PTPRN: variants seen among roughly 807,000 people sequenced by gnomAD.
PTPRN encodes the protein protein tyrosine phosphatase receptor type N.
A neutral mutation model predicts 108.5 loss-of-function variants in PTPRN; 70 were observed. That is an observed-to-expected ratio of 0.65 (90% CI 0.53 to 0.79). The LOEUF (loss-of-function observed/expected upper bound fraction) is 0.79. PTPRN is among the 30% of genes least tolerant of loss of function. The probability of loss-of-function intolerance (pLI) is 0.00; values close to 1 mark genes in which losing one functional copy is unlikely to be tolerated. For synonymous variants in PTPRN, 496 were observed against 524.6 expected, an observed-to-expected ratio of 0.95 and a Z score of 0.75; for missense variants, 1,136 against 1,295.5, an observed-to-expected ratio of 0.88 and a Z score of 1.89.
At position 219,309,360 on chromosome 2, in the gene PTPRN, G is replaced by A. The variant is rs752708898; in HGVS notation, c.-28C>T. 1 of 1,242,662 alleles carries A rather than the reference G, an allele frequency of 8.0e-7. No individual in the cohort carries two copies. Among genetic ancestry groups the A allele is most frequent in the South Asian group, 1.6e-5 (1 of 63,526 alleles). The allele number at this position is 1,242,662 out of a possible 1,614,324, so 77.0% of individuals were successfully genotyped here. A position where few individuals can be genotyped will look rare whatever the true frequency, so the allele number is the denominator to read the frequency against. ...TTCCGAGCTCCGGGCGCTCGCTCCC[G>A]GGCCGGAGCCGCAGCGACGCTGGCG... On this transcript the variant is annotated 5_prime_UTR_variant, in exon 1 of 23. Coordinates refer to ENST00000295718, the MANE Select transcript of PTPRN (RefSeq NM_002846.4).
In PTPRN at chr2:219,296,839, C is replaced by A; in HGVS notation, c.2237-17G>T. 2 of 1,614,088 alleles carry A rather than the reference C, an allele frequency of 1.2e-6. No individual in the cohort carries two copies. Among genetic ancestry groups the A allele is most frequent in the Non-Finnish European group, 1.7e-6 (2 of 1,180,002 alleles). ...CATGGTCATCTGCACAGACCCGACA[C>A]CCCACCCCAGATGGCCCTCTGGTCA... is the stretch of plus-strand genomic sequence containing the variant. On this transcript the variant is annotated splice_polypyrimidine_tract_variant and intron_variant, in intron 15 of 22. Transcript: ENST00000295718. The surrounding 1 kb of genome is among the most constrained non-coding windows in gnomAD (Gnocchi z 6.0).
chr2:219,302,850 G>C lies in PTPRN; in HGVS notation c.378-13C>G. ...TGCCAAGCCAGACCTGTAGAGGAAA[G>C]CAAAGTGTGTGTGTTGGAGCGGGGG... On this transcript the variant is annotated splice_polypyrimidine_tract_variant and intron_variant, in intron 4 of 22. Transcript: ENST00000295718. The C allele has an allele frequency of 6.2e-7, 1 of 1,605,196 alleles. No homozygotes were observed. The highest frequency in any genetic ancestry group is 1.7e-4 in the Middle Eastern group (1 of 5,744).
At chr2:219,299,141 C>G in intron 11 of PTPRN, 30 bp from the exon 12 acceptor site, 1 of 1,613,978 alleles carries the variant, frequency 6.2e-7, no homozygotes, top group Non-Finnish European at 8.5e-7. Flanking sequence ...CAGGCTTGCT[C>G]CAGCCCCATG....
intron 19 of PTPRN, chr2:219,292,489 C>G (rs1312992293): frequency 6.6e-6 from 1 of 152,194 alleles, no homozygotes; most frequent in Non-Finnish European, 1.5e-5. Context: ...AGCTATAGGA[C>G]CAGGTGACTT....
rs777478675 is a variant in PTPRN at position 219,302,620 on chromosome 2, G to T, written c.595C>A (p.Leu199Met). 8 of 1,614,032 alleles carry T rather than the reference G, an allele frequency of 5.0e-6. No individual in the cohort carries two copies. The East Asian group carries it at 1.6e-4, about 31-fold the overall frequency. The change falls in exon 5 of 23, where the codon CTG becomes ATG. Residue 199 changes from leucine to methionine, a missense_variant. By Grantham distance (15) the Leu-to-Met change is conservative. Coordinates refer to ENST00000295718, the MANE Select transcript of PTPRN (RefSeq NM_002846.4). ...LLPPQPPHPS[L>M]SYEPALLQPY... ...TGCAGCAAGGCAGGTTCGTAACTCAGTGAAGGGTGGGGAGGCTGTGGGGGC... is the reference window on the plus strand; with the variant it reads ...TGCAGCAAGGCAGGTTCGTAACTCATTGAAGGGTGGGGAGGCTGTGGGGGC...
At chr2:219,299,024 C>T (rs1379560121) in intron 12 of PTPRN, 23 bp downstream of exon 12, 1 of 1,614,000 alleles carries the variant, frequency 6.2e-7, no homozygotes, top group African/African-American at 1.3e-5. Context: ...GGGACTTGGA[C>T]TGATTCTCCA....
At position 219,295,128 on chromosome 2, in the gene PTPRN, G is replaced by C. The variant is rs371070609; in HGVS notation, c.2522C>G (p.Ser841Trp). The change falls in exon 19 of 23, where the codon TCG (serine) becomes TGG (tryptophan). Residue 841 changes from serine to tryptophan, a missense_variant. Coordinates refer to ENST00000295718, the MANE Select transcript of PTPRN (RefSeq NM_002846.4). ...LYHVYEVNLVSEHIWCEDFLV... is the reference protein window; with the variant it reads ...LYHVYEVNLVWEHIWCEDFLV... ...AAAGTCCTCGCACCAGATGTGCTCC[G>C]ACACCAGGTTCACCTGCCCGGCAGG... 6.2e-7 allele frequency: 1 copy of C among 1,610,394 alleles called. No individual in the cohort carries two copies. Among genetic ancestry groups the C allele is most frequent in the South Asian group, 1.1e-5 (1 of 90,534 alleles).
At chr2:219,298,912 G>T in intron 12 of PTPRN, 135 bp downstream of exon 12, 1 of 1,004,320 alleles carries the variant, frequency 1.0e-6, no homozygotes, top group South Asian at 1.3e-5. Flanking sequence ...GGGGCTGCTT[G>T]GGCGAAGGCC....
rs1952026851 is a variant in PTPRN, at chr2:219,290,411, G to A, written c.2869-114C>T. 4 of 1,392,170 alleles carry A rather than the reference G, an allele frequency of 2.9e-6. No homozygotes were observed. In the Admixed American group the frequency reaches 5.9e-5, roughly 21 times the overall value. The allele number at this position is 1,392,170 out of a possible 1,614,324, so 86.2% of individuals were successfully genotyped here. A position where few individuals can be genotyped will look rare whatever the true frequency, so the allele number is the denominator to read the frequency against. On this transcript the variant is annotated intron_variant, in intron 22 of 22. Coordinates refer to ENST00000295718, the MANE Select transcript of PTPRN (RefSeq NM_002846.4). The surrounding 1 kb of genome is among the most constrained non-coding windows in gnomAD (Gnocchi z 4.2). ...CTGGGCAGGTCCCCTGGGAGGAAGG[G>A]AGCCCTCCTGGAGGAGGCGCAGAAG... is the stretch of plus-strand genomic sequence containing the variant.
Position 219,290,137 on chromosome 2 carries a change from G to T in PTPRN, c.*89C>A, listed in dbSNP as rs1952020050. 3.3e-6 allele frequency: 4 copies of T among 1,226,704 alleles called. No individual in the cohort carries two copies. In the Admixed American group the frequency reaches 7.0e-5, roughly 21 times the overall value. The allele number at this position is 1,226,704 out of a possible 1,614,324, so 76.0% of individuals were successfully genotyped here. On this transcript the variant is annotated 3_prime_UTR_variant, in exon 23 of 23. Coordinates refer to ENST00000295718, the MANE Select transcript of PTPRN (RefSeq NM_002846.4). This position sits in a 1 kb window ranked among gnomAD's most constrained non-coding sequence, Gnocchi z 4.2. ...GGCTGAGCATGCCCAAGAGGTGGCT[G>T]GTGGGGCAGTGAGGAGTGGGTACAC...
Position 219,306,548 on chromosome 2 carries a change from C to T in PTPRN, c.280+896G>A, listed in dbSNP as rs1952488701. 2.0e-5 allele frequency among the ~76,000 whole-genome samples: 3 copies of T among 152,208 alleles called. No individual in the cohort carries two copies. The South Asian group carries it at 6.2e-4, about 31-fold the overall frequency. On this transcript the variant is annotated intron_variant, in intron 3 of 22. Coordinates refer to ENST00000295718, the MANE Select transcript of PTPRN (RefSeq NM_002846.4). ...AAGTGTAAGTCAGATCATGTGCCCC[C>T]AAGCTCCAAATCTTGTAATAGTTTC...
Position 219,302,585 on chromosome 2 carries a change from C to G in PTPRN, c.630G>C (p.Leu210=). The change falls in exon 5 of 23, where the codon CTG becomes CTC. Residue 210 remains leucine (L), a synonymous_variant. Transcript: ENST00000295718. ...AGAGTCAAGGACTTACCTGGTGGAA[C>G]AGGTAGGGCTGCAGCAAGGCAGGTT... ...SYEPALLQPY[L]FHQFGSRDGS... is the part of the protein sequence containing the mutation. 1.9e-6 allele frequency: 3 copies of G among 1,613,956 alleles called. No individual in the cohort carries two copies. Among genetic ancestry groups the G allele is most frequent in the Non-Finnish European group, 2.5e-6 (3 of 1,179,938 alleles).
chr2:219,293,740 C>A (rs1229507444), intron 19 of PTPRN, among the ~76,000 whole-genome samples: 1 of 151,624 alleles, frequency 6.6e-6, no homozygotes, highest in African/African-American at 2.4e-5. Context: ...GAAACTATAC[C>A]CATGTCCCCA....
intron 1 of PTPRN, 130 bp from the exon 2 acceptor site, chr2:219,307,972 A>C: frequency 1.2e-6 from 1 of 858,036 alleles, no homozygotes; most frequent in Non-Finnish European, 1.9e-6. Context: ...TTAAGCTGGG[A>C]GGAGAGTAGG....
rs376684888 is a variant in PTPRN, at chr2:219,294,736, G to A, written c.2675+239C>T. 5.9e-5 allele frequency among the ~76,000 whole-genome samples: 9 copies of A among 152,294 alleles called. No homozygotes were observed. In the East Asian group the frequency reaches 1.2e-3, roughly 20 times the overall value. Reference sequence around the variant, plus strand: ...CAGTCCCGGGAGCGTGAGAGGGAGGGAGCAGAGCAGCAGCGGCCGGCGCGG... The same window carrying A: ...CAGTCCCGGGAGCGTGAGAGGGAGGAAGCAGAGCAGCAGCGGCCGGCGCGG... On this transcript the variant is annotated intron_variant, in intron 19 of 22. Coordinates refer to ENST00000295718, the MANE Select transcript of PTPRN (RefSeq NM_002846.4).
intron 19 of PTPRN, 130 bp from the exon 20 acceptor site, chr2:219,291,653 T>G: frequency 1.0e-6 from 1 of 969,860 alleles, no homozygotes; most frequent in Non-Finnish European, 1.6e-6. Context: ...GGAAGATGGT[T>G]GGAGAAAGGA....
At chr2:219,306,125 TG>T (rs1952479076) in intron 3 of PTPRN, among the ~76,000 whole-genome samples, 1 of 152,166 alleles carries the variant, frequency 6.6e-6, no homozygotes. Flanking sequence ...CACTCCAGCC[TG>T]GGTGACACAG....
At chr2:219,299,501 C>T in intron 10 of PTPRN, 117 bp from the exon 11 acceptor site, 2 of 1,263,082 alleles carry the variant, frequency 1.6e-6, no homozygotes, top group Non-Finnish European at 2.3e-6. Context: ...TCGGGGATGC[C>T]CTACAGGGGC....
chr2:219,294,920 C>T, intron 19 of PTPRN, 55 bp downstream of exon 19: 3 of 1,388,606 alleles, frequency 2.2e-6, no homozygotes, highest in Non-Finnish European at 2.8e-6. Context: ...GGCGGGCGGA[C>T]CCCGGCTCCG....
Sources: gnomAD v4.1 joint callset for allele counts (sites outside exome capture counted in the v4.1 genomes callset) on GRCh38, gnomAD v4.1.1 for gene constraint, Gnocchi (gnomAD v3.1) non-coding constraint, MANE v1.5 for transcripts, NCBI Gene and HGNC (gene_info 2026-07-23, HGNC 2026-07-21) for gene names.